The following UGT2B7 variants were observed in gnomAD, a reference collection of about 807,000 sequenced individuals.
UGT2B7 encodes UDP-glucuronosyltransferase 2B7.
UGT2B7 carries 51 observed loss-of-function variants against 51.9 expected under a neutral mutation model. The observed-to-expected ratio is 0.98, with a 90% CI of 0.78 to 1.24. UGT2B7 has a LOEUF of 1.24. Among genes scored for constraint, UGT2B7 ranks in the 50% most tolerant of loss-of-function variants. The pLI is 0.00. For synonymous variants in UGT2B7, 225 were observed against 211.6 expected, an observed-to-expected ratio of 1.06 and a Z score of -0.55; for missense variants, 727 against 628.4, an observed-to-expected ratio of 1.16 and a Z score of -1.68.
At chr4:69,095,771 G>C (rs1043289931), upstream of UGT2B7, among the ~76,000 whole-genome samples, 3 of 152,106 alleles carry the variant, frequency 2.0e-5, no homozygotes, top group African/African-American at 7.2e-5. Flanking sequence ...ATGGTTGTAA[G>C]AATCAACATG....
rs757420223 is a variant in UGT2B7 at position 69,096,896 on chromosome 4, T to A, written c.376T>A (p.Phe126Ile). 1 of 1,612,490 alleles carries A rather than the reference T, an allele frequency of 6.2e-7. No individual in the cohort carries two copies. The highest frequency in any genetic ancestry group is 8.5e-7 in the Non-Finnish European group (1 of 1,179,624). The stretch of plus-strand genomic sequence containing the variant: ...AATATTTGGTGACATAACTAGAAAG[T>A]TCTGTAAAGATGTAGTTTCAAATAA... ...MSIFGDITRK[F>I]CKDVVSNKKF... Residue 126 changes from phenylalanine to isoleucine, a missense_variant, in exon 1 of 6, where the codon TTC (phenylalanine) becomes ATC (isoleucine). Physicochemically the swap from Phe to Ile is conservative, Grantham distance 21. Transcript: ENST00000305231.
intron 1 of UGT2B7, among the ~76,000 whole-genome samples, chr4:69,054,791 G>A (rs183456101): frequency 1.1e-4 from 17 of 152,236 alleles, no homozygotes; most frequent in African/African-American, 1.7e-4. Context: ...GAAACTCATC[G>A]CAGGACTCAT....
chr4:69,089,467 TG>T (rs1399693828), intron 1 of UGT2B7: 1 of 152,190 alleles, frequency 6.6e-6, no homozygotes, highest in Non-Finnish European at 1.5e-5. Context: ...TTATTTTCTT[TG>T]TAGGAAATGA....
At chr4:69,086,085 A>C (rs1718948785) in intron 1 of UGT2B7, among the ~76,000 whole-genome samples, 1 of 151,504 alleles carries the variant, frequency 6.6e-6, no homozygotes, top group South Asian at 2.1e-4. Flanking sequence ...GAGGTACTAT[A>C]GGTTGTTTAT....
chr4:69,101,659 C>CT (rs1315105315), intron 2 of UGT2B7, among the ~76,000 whole-genome samples: 1 of 150,432 alleles, frequency 6.6e-6, no homozygotes, highest in Non-Finnish European at 1.5e-5. Flanking sequence ...AAAAAACACT[C>CT]TGTAATATGT....
intron 1 of UGT2B7, among the ~76,000 whole-genome samples, chr4:69,063,323 A>AAAAAAAAAAG (rs1313259090): frequency 1.4e-5 from 2 of 143,638 alleles, no homozygotes; most frequent in Admixed American, 7.0e-5. Flanking sequence ...CGTCTCAAAA[A>AAAAAAAAAAG]AAAAAAAAAA....
At chr4:69,107,131 T>A in intron 3 of UGT2B7, 44 bp from the exon 4 acceptor site, 1 of 1,581,532 alleles carries the variant, frequency 6.3e-7, no homozygotes. Context: ...TCTATAACTT[T>A]TGAATTCCAC....
chr4:69,058,223 G>A (rs1377697158), intron 1 of UGT2B7, among the ~76,000 whole-genome samples: 1 of 152,124 alleles, frequency 6.6e-6, no homozygotes, highest in Non-Finnish European at 1.5e-5. Context: ...GGAGGGAAGA[G>A]ACCCTTCCTC....
At position 69,097,235 on chromosome 4, in the gene UGT2B7, G is replaced by A. The variant is rs1285004053; in HGVS notation, c.715G>A (p.Val239Ile). 1 of 1,602,992 alleles carries A rather than the reference G, an allele frequency of 6.2e-7. No individual in the cohort carries two copies. The highest frequency in any genetic ancestry group is 1.8e-5 in the Admixed American group (1 of 56,060). The change falls in exon 1 of 6, where the codon GTT becomes ATT. Residue 239 changes from valine (V) to isoleucine (I), a missense_variant. By Grantham distance (29) the Val-to-Ile change is conservative (BLOSUM62 3). Coordinates refer to ENST00000305231, the MANE Select transcript of UGT2B7 (RefSeq NM_001074.4). ...GAAGTGGGATCAGTTTTATAGTGAA[G>A]TTCTAGGTAAGTATTTTTTTCAATC... is the stretch of plus-strand genomic sequence containing the variant. Reference protein sequence around the residue: ...MKKWDQFYSEVLGRPTTLSET... With the variant: ...MKKWDQFYSEILGRPTTLSET...
chr4:69,100,878 A>G lies in UGT2B7; in HGVS notation c.871-1929A>G, dbSNP rs182941581. On this transcript the variant is annotated intron_variant, in intron 2 of 5. Coordinates refer to ENST00000305231, the MANE Select transcript of UGT2B7 (RefSeq NM_001074.4). ...TAAGATAATTTCTTATAAGAGAAAA[A>G]GACACTTGACAAAATGTATCAGGTG... Among the ~76,000 whole-genome samples, 76 of 152,270 alleles carry G rather than the reference A, an allele frequency of 5.0e-4. 1 individual carries two copies. The highest frequency in any genetic ancestry group is 1.7e-3 in the African/African-American group (71 of 41,572).
At chr4:69,105,781 A>G (rs1719576907) in intron 3 of UGT2B7, among the ~76,000 whole-genome samples, 1 of 152,168 alleles carries the variant, frequency 6.6e-6, no homozygotes, top group South Asian at 2.1e-4. Flanking sequence ...TATACATAAA[A>G]CCTTTGCAGC....
upstream of UGT2B7, among the ~76,000 whole-genome samples, chr4:69,094,355 AGCC>A (rs1235437890): frequency 2.0e-5 from 2 of 100,654 alleles, 1 homozygote; most frequent in Non-Finnish European, 3.7e-5. Flanking sequence ...TCACCGTGTT[AGCC>A]AGGATGGTCT....
At chr4:69,106,477 A>T (rs762130028) in intron 3 of UGT2B7, among the ~76,000 whole-genome samples, 4 of 152,128 alleles carry the variant, frequency 2.6e-5, no homozygotes, top group Non-Finnish European at 5.9e-5. Context: ...TATATGTACC[A>T]TATTTTCTCT....
Position 69,105,726 on chromosome 4 carries a change from T to C in UGT2B7, c.1003-1449T>C, listed in dbSNP as rs1434065219. Reference sequence around the variant, plus strand: ...TTGTGTCAAAAATAACCACCTGAAATTTATTTTGGAAGTAGTGCTTGATAA... The same window carrying C: ...TTGTGTCAAAAATAACCACCTGAAACTTATTTTGGAAGTAGTGCTTGATAA... On this transcript the variant is annotated intron_variant, in intron 3 of 5. Transcript: ENST00000305231. Among the ~76,000 whole-genome samples the C allele has an allele frequency of 2.6e-5, 4 of 152,182 alleles. No individual in the cohort carries two copies. The East Asian group carries it at 5.8e-4, about 22-fold the overall frequency.
intron 1 of UGT2B7, among the ~76,000 whole-genome samples, chr4:69,087,933 C>T (rs368190899): frequency 9.3e-4 from 141 of 151,954 alleles, no homozygotes; most frequent in Admixed American, 1.4e-3. Flanking sequence ...AAATACTCTT[C>T]GGATTAAATT....
intron 2 of UGT2B7, among the ~76,000 whole-genome samples, chr4:69,100,253 A>G (rs1426005818): frequency 1.3e-5 from 2 of 152,050 alleles, no homozygotes; most frequent in African/African-American, 4.8e-5. Flanking sequence ...ATAATAAAGC[A>G]CAAATAATTT....
intron 2 of UGT2B7, among the ~76,000 whole-genome samples, chr4:69,101,758 G>A (rs1030862851): frequency 1.1e-4 from 16 of 152,110 alleles, no homozygotes; most frequent in African/African-American, 3.6e-4. Context: ...AAATCTGAAA[G>A]TATTTAAATT....
intron 3 of UGT2B7, among the ~76,000 whole-genome samples, chr4:69,105,066 G>A (rs1719553137): frequency 6.6e-6 from 1 of 152,142 alleles, no homozygotes; most frequent in East Asian, 1.9e-4. Context: ...AATGTCTGAA[G>A]CAGGAAGATG....
chr4:69,062,805 G>T (rs1425207539), intron 1 of UGT2B7, among the ~76,000 whole-genome samples: 1 of 152,198 alleles, frequency 6.6e-6, no homozygotes. Context: ...GAAGCTTGAA[G>T]AATCGTCATC....
Sources: gnomAD v4.1 joint callset for allele counts (sites outside exome capture counted in the v4.1 genomes callset) on GRCh38, gnomAD v4.1.1 for gene constraint, MANE v1.5 for transcripts, NCBI Gene and HGNC (gene_info 2026-07-23, HGNC 2026-07-21) for gene names.